Variants in MAGI2 observed in about 807,000 individuals in gnomAD.
The protein encoded by MAGI2 is membrane-associated guanylate kinase, WW and PDZ domain-containing protein 2.
MAGI2 carries 35 observed loss-of-function variants against 133.3 expected under a neutral mutation model. The ratio of observed to expected loss-of-function variants is 0.26; its 90% confidence interval spans 0.20 to 0.35. MAGI2 has a LOEUF of 0.35. Among genes scored for constraint, MAGI2 ranks in the 10% least tolerant of loss-of-function variants. The probability of loss-of-function intolerance (pLI) is 1.00; values close to 1 mark genes in which losing one functional copy is unlikely to be tolerated. For missense variants in MAGI2, 1,636 were observed against 1,863.4 expected, an observed-to-expected ratio of 0.88 and a Z score of 2.25; for synonymous variants, 729 against 710.6, an observed-to-expected ratio of 1.03 and a Z score of -0.41.
intron 2 of MAGI2, among the ~76,000 whole-genome samples, chr7:79,005,504 A>C (rs1279670408): frequency 6.6e-6 from 1 of 152,300 alleles, no homozygotes; most frequent in Admixed American, 6.5e-5. Flanking sequence ...TAATTAACTA[A>C]TGCAAAATTT....
chr7:78,339,356 A>G (rs1790112299), intron 9 of MAGI2, among the ~76,000 whole-genome samples: 1 of 151,938 alleles, frequency 6.6e-6, no homozygotes, highest in Non-Finnish European at 1.5e-5. Flanking sequence ...TTCTAAATAA[A>G]GCTTTGACTT....
chr7:79,425,201 G>A (rs553393264), intron 1 of MAGI2, among the ~76,000 whole-genome samples: 4 of 150,854 alleles, frequency 2.7e-5, no homozygotes, highest in African/African-American at 9.7e-5. Flanking sequence ...GCAGTGAGCC[G>A]AGATTGCACC....
chr7:78,927,628 A>T (rs564452973), intron 2 of MAGI2, among the ~76,000 whole-genome samples: 2 of 151,952 alleles, frequency 1.3e-5, no homozygotes, highest in South Asian at 2.1e-4. Flanking sequence ...ATCTATGATT[A>T]AAAAAAACTC....
chr7:79,321,018 C>T (rs1163895703), intron 1 of MAGI2, among the ~76,000 whole-genome samples: 3 of 152,070 alleles, frequency 2.0e-5, no homozygotes, highest in African/African-American at 7.2e-5. Flanking sequence ...TTACCAACTG[C>T]TGTGAGTATA....
At chr7:78,326,868 C>T (rs1562828642) in intron 9 of MAGI2, among the ~76,000 whole-genome samples, 1 of 152,142 alleles carries the variant, frequency 6.6e-6, no homozygotes, top group African/African-American at 2.4e-5. Context: ...CTGCCTTTCC[C>T]CTCCCTTCAT....
At chr7:78,481,248 T>C (rs757895220) in intron 6 of MAGI2, among the ~76,000 whole-genome samples, 1 of 151,922 alleles carries the variant, frequency 6.6e-6, no homozygotes, top group Non-Finnish European at 1.5e-5. Context: ...TGAGGAGGCC[T>C]CAGAAAACTT....
chr7:78,385,702 C>T lies in MAGI2; in HGVS notation c.1046-16489G>A, dbSNP rs146090885. Among the ~76,000 whole-genome samples, 658 of 152,180 alleles carry T rather than the reference C, an allele frequency of 4.3e-3. 5 individuals are homozygous for T. The highest frequency in any genetic ancestry group is 0.015 in the African/African-American group (606 of 41,524). On this transcript the variant is annotated intron_variant, in intron 6 of 21. Transcript: ENST00000354212. ...GAGATACTGAAATCACAATTCTTTC[C>T]ATCTTGGCAATACAGTATAGTGAAC...
Position 78,446,639 on chromosome 7 carries a change from T to C in MAGI2, c.1045+43122A>G, listed in dbSNP as rs533955348. On this transcript the variant is annotated intron_variant, in intron 6 of 21. Coordinates refer to ENST00000354212, the MANE Select transcript of MAGI2 (RefSeq NM_012301.4). ...CTTGGGTCCTGCATGTCCTCTGCAG[T>C]CAAGTTCTGATGTTCAAAGTGGGGC... Among the ~76,000 whole-genome samples the C allele has an allele frequency of 2.6e-5, 4 of 152,180 alleles. No individual in the cohort carries two copies. The East Asian group carries it at 7.7e-4, about 29-fold the overall frequency.
intron 9 of MAGI2, among the ~76,000 whole-genome samples, chr7:78,291,913 G>A (rs142083558): frequency 6.6e-6 from 1 of 152,078 alleles, no homozygotes; most frequent in Non-Finnish European, 1.5e-5. Flanking sequence ...CAATAAACTA[G>A]GTACCAATGG....
At chr7:79,421,051 A>G (rs1846922304) in intron 1 of MAGI2, among the ~76,000 whole-genome samples, 1 of 152,022 alleles carries the variant, frequency 6.6e-6, no homozygotes, top group African/African-American at 2.4e-5. Flanking sequence ...ACAAAGAACA[A>G]AATGTAACAA....
At chr7:78,848,651 T>G (rs1792842898) in intron 2 of MAGI2, among the ~76,000 whole-genome samples, 1 of 151,982 alleles carries the variant, frequency 6.6e-6, no homozygotes, top group South Asian at 2.1e-4. Context: ...CAATAACATG[T>G]ATTTCTCTCC....
At chr7:79,076,359 GA>G (rs1290508517) in intron 1 of MAGI2, among the ~76,000 whole-genome samples, 1 of 152,180 alleles carries the variant, frequency 6.6e-6, no homozygotes, top group East Asian at 1.9e-4. Context: ...AGCAGATGGT[GA>G]AAATATTTTA....
intron 2 of MAGI2, among the ~76,000 whole-genome samples, chr7:78,978,688 GA>G (rs1319562182): frequency 6.6e-6 from 1 of 151,822 alleles, no homozygotes; most frequent in Non-Finnish European, 1.5e-5. Flanking sequence ...ACTATATGCA[GA>G]ATGTGACAAA....
At chr7:78,331,406 TAGC>T (rs1271039522) in intron 9 of MAGI2, among the ~76,000 whole-genome samples, 6 of 152,224 alleles carry the variant, frequency 3.9e-5, no homozygotes, top group Non-Finnish European at 8.8e-5. Flanking sequence ...GCAGTCCAGA[TAGC>T]AGAATCCGGT....
chr7:78,467,725 T>C (rs1015930456), intron 6 of MAGI2, among the ~76,000 whole-genome samples: 1 of 152,110 alleles, frequency 6.6e-6, no homozygotes, highest in Non-Finnish European at 1.5e-5. Context: ...TATATATGTG[T>C]GAAATGACTT....
rs888347388 is a variant in MAGI2, at chr7:78,329,330, A to G, written c.1408+14448T>C. 4.6e-5 allele frequency among the ~76,000 whole-genome samples: 7 copies of G among 152,352 alleles called. 1 individual carries two copies. The South Asian group carries it at 8.3e-4, about 18-fold the overall frequency. On this transcript the variant is annotated intron_variant, in intron 9 of 21. Transcript: ENST00000354212. Reference sequence around the variant, plus strand: ...AGGTCTGCATGGTAATTTATCTCCTATTGACTTCAATGAAGTCTCTTTATT... The same window carrying G: ...AGGTCTGCATGGTAATTTATCTCCTGTTGACTTCAATGAAGTCTCTTTATT...
chr7:78,718,409 G>C (rs983029149), intron 2 of MAGI2, among the ~76,000 whole-genome samples: 2 of 152,130 alleles, frequency 1.3e-5, no homozygotes, highest in African/African-American at 4.8e-5. Context: ...AGTGGCAGGT[G>C]AGTGAGCAAA....
chr7:79,342,298 G>A (rs1043420586), intron 1 of MAGI2, among the ~76,000 whole-genome samples: 13 of 152,318 alleles, frequency 8.5e-5, no homozygotes, highest in African/African-American at 2.9e-4. Context: ...GAATAACTCG[G>A]TCCCCTGTGT....
intron 3 of MAGI2, among the ~76,000 whole-genome samples, chr7:78,541,725 C>T (rs79659049): frequency 0.018 from 2,754 of 152,234 alleles, 37 homozygotes; most frequent in Middle Eastern, 0.041. Flanking sequence ...TTAGAATGCA[C>T]GTTACTATCT....
Sources: gnomAD v4.1 joint callset for allele counts (sites outside exome capture counted in the v4.1 genomes callset) on GRCh38, gnomAD v4.1.1 for gene constraint, MANE v1.5 for transcripts, NCBI Gene and HGNC (gene_info 2026-07-23, HGNC 2026-07-21) for gene names.